Variants in IGF1R observed in about 807,000 individuals in gnomAD.
IGF1R encodes the protein insulin-like growth factor 1 receptor.
A neutral mutation model predicts 144.6 loss-of-function variants in IGF1R; 44 were observed. That is an observed-to-expected ratio of 0.30 (90% CI 0.24 to 0.39). The LOEUF is 0.39. Ranked by LOEUF, IGF1R falls within the 10% of genes least tolerant of loss-of-function variation. The probability of loss-of-function intolerance (pLI) is 1.00; values close to 1 mark genes in which losing one functional copy is unlikely to be tolerated. For synonymous variants in IGF1R, 795 were observed against 722.8 expected, an observed-to-expected ratio of 1.10 and a Z score of -1.60; for missense variants, 1,355 against 1,833.7, an observed-to-expected ratio of 0.74 and a Z score of 4.77.
At chr15:98,902,478 C>T (rs1760543764) in intron 5 of IGF1R, among the ~76,000 whole-genome samples, 1 of 136,530 alleles carries the variant, frequency 7.3e-6, no homozygotes, top group Admixed American at 8.5e-5. Flanking sequence ...AGTGTAGTGG[C>T]GCTGTCTCGG....
At chr15:98,936,471 G>A (rs2016153009) in intron 17 of IGF1R, among the ~76,000 whole-genome samples, 1 of 152,112 alleles carries the variant, frequency 6.6e-6, no homozygotes, top group Non-Finnish European at 1.5e-5. Context: ...TTTTCATTTG[G>A]TTGCCTCCGT....
chr15:98,817,892 C>A (rs1188400115), intron 2 of IGF1R, among the ~76,000 whole-genome samples: 1 of 152,234 alleles, frequency 6.6e-6, no homozygotes, highest in African/African-American at 2.4e-5. Flanking sequence ...TACTTCACCT[C>A]TTCTCTCCAG....
Position 98,963,641 on chromosome 15 carries a change from TAC to T in IGF1R, c.*6203_*6204del, listed in dbSNP as rs1326902356. 4.3e-6 allele frequency: 1 copy of T among 233,164 alleles called. No homozygotes were observed. The highest frequency in any genetic ancestry group is 2.2e-5 in the African/African-American group (1 of 45,338). 14.4% of individuals were successfully genotyped at this position (233,164 alleles called of 1,614,324 possible). ...AATGGTTTTCATGATGATTACAGCA[TAC>T]ACAGTGATCACATAAACGATGACAG... On this transcript the variant is annotated 3_prime_UTR_variant, in exon 21 of 21. Transcript: ENST00000650285.
chr15:98,813,194 C>A (rs988749397), intron 2 of IGF1R, among the ~76,000 whole-genome samples: 9 of 152,118 alleles, frequency 5.9e-5, no homozygotes, highest in Admixed American at 2.0e-4. Flanking sequence ...GACCAGCCCC[C>A]CTAGGGTTAG....
chr15:98,704,707 C>T lies in IGF1R; in HGVS notation c.95-2855C>T, dbSNP rs968032702. Among the ~76,000 whole-genome samples, 1 of 152,132 alleles carries T rather than the reference C, an allele frequency of 6.6e-6. No homozygotes were observed. The highest frequency in any genetic ancestry group is 2.4e-5 in the African/African-American group (1 of 41,482). Reference sequence around the variant, plus strand: ...CCAACTGGAGCTGCGGTGAGAGAGACCATGAAAAGAAGGGCCAGAGCGGTG... The same window carrying T: ...CCAACTGGAGCTGCGGTGAGAGAGATCATGAAAAGAAGGGCCAGAGCGGTG... On this transcript the variant is annotated intron_variant, in intron 1 of 20. Coordinates refer to ENST00000650285, the MANE Select transcript of IGF1R (RefSeq NM_000875.5). The surrounding 1 kb of genome is among the most constrained non-coding windows in gnomAD (Gnocchi z 4.9).
chr15:98,911,212 T>C (rs2015000402), intron 6 of IGF1R, 103 bp from the exon 7 acceptor site: 2 of 1,365,330 alleles, frequency 1.5e-6, no homozygotes, highest in South Asian at 2.4e-5. Context: ...GAACTTAGCA[T>C]ATACAGCCAG....
intron 2 of IGF1R, among the ~76,000 whole-genome samples, chr15:98,781,087 A>G (rs559433152): frequency 4.6e-5 from 7 of 152,322 alleles, no homozygotes; most frequent in South Asian, 2.1e-4. Flanking sequence ...GTGCCGCTGT[A>G]CTCCAGCCTG....
chr15:98,920,100 T>A (rs1297246911), intron 10 of IGF1R, among the ~76,000 whole-genome samples: 1 of 152,218 alleles, frequency 6.6e-6, no homozygotes. Flanking sequence ...TTTAACTAGC[T>A]AAAATGTTGA....
intron 2 of IGF1R, among the ~76,000 whole-genome samples, chr15:98,871,679 G>A (rs1405085308): frequency 6.6e-6 from 1 of 152,232 alleles, no homozygotes. Flanking sequence ...GAGAAGAAGA[G>A]CTTGTGCAGG....
chr15:98,942,488 C>T (rs895835636), intron 18 of IGF1R, among the ~76,000 whole-genome samples: 3 of 152,130 alleles, frequency 2.0e-5, no homozygotes, highest in African/African-American at 7.2e-5. Flanking sequence ...CGCACACCAC[C>T]ACTCACAACT....
intron 2 of IGF1R, among the ~76,000 whole-genome samples, chr15:98,853,358 T>C (rs760530736): frequency 1.1e-4 from 17 of 152,206 alleles, no homozygotes; most frequent in Non-Finnish European, 1.5e-5. Context: ...GCGACAGGGC[T>C]GCCTGGAAGA....
chr15:98,920,154 A>G (rs1234172405), intron 10 of IGF1R, among the ~76,000 whole-genome samples: 2 of 152,204 alleles, frequency 1.3e-5, no homozygotes, highest in Non-Finnish European at 1.5e-5. Context: ...GCTAGGTTGT[A>G]TTATGGGATG....
rs869208651 is a variant in IGF1R at position 98,661,956 on chromosome 15, C to CTTTTTTTTTTTTTTTTTTTTTTT, written c.94+12285_94+12307dup. 1.6e-4 allele frequency among the ~76,000 whole-genome samples: 17 copies of CTTTTTTTTTTTTTTTTTTTTTTT among 105,718 alleles called. 1 individual carries two copies. The highest frequency in any genetic ancestry group is 6.3e-4 in the African/African-American group (14 of 22,338). The allele number at this position is 105,718 out of a possible 152,430, so 69.4% of individuals were successfully genotyped here. ...GAATTGCTGCCAGTTGAATAGGGCCCTTTTTTTTTTTTTTTTTTTTTTTTT... is the reference window on the plus strand; with the variant it reads ...GAATTGCTGCCAGTTGAATAGGGCCCTTTTTTTTTTTTTTTTTTTTTTTTTTTTTTTTTTTTTTTTTTTTTTTT... On this transcript the variant is annotated intron_variant, in intron 1 of 20. Transcript: ENST00000650285.
rs1244717010 is a variant in IGF1R at position 98,961,491 on chromosome 15, C to T, written c.*4049C>T. On this transcript the variant is annotated 3_prime_UTR_variant, in exon 21 of 21. Transcript: ENST00000650285. Reference sequence around the variant, plus strand: ...TTGACTATACCAAGGCATCATCTATCCACAGTTCTAGCCTAACTTCATGCT... The same window carrying T: ...TTGACTATACCAAGGCATCATCTATTCACAGTTCTAGCCTAACTTCATGCT... The T allele has an allele frequency of 6.9e-5, 16 of 233,532 alleles. 1 individual carries two copies. The highest frequency in any genetic ancestry group is 1.3e-3 in the Middle Eastern group (1 of 786). 14.5% of individuals were successfully genotyped at this position (233,532 alleles called of 1,614,324 possible). A position where few individuals can be genotyped will look rare whatever the true frequency, so the allele number is the denominator to read the frequency against.
chr15:98,806,819 T>G (rs1235794347), intron 2 of IGF1R, among the ~76,000 whole-genome samples: 1 of 152,110 alleles, frequency 6.6e-6, no homozygotes, highest in Non-Finnish European at 1.5e-5. Flanking sequence ...TGTGAGAGCT[T>G]TAGGGCACAG....
At chr15:98,833,388 A>T (rs150558815) in intron 2 of IGF1R, among the ~76,000 whole-genome samples, 171 of 152,274 alleles carry the variant, frequency 1.1e-3, no homozygotes, top group African/African-American at 3.8e-3. Context: ...GCAGGTAGAC[A>T]CCTTCCTAAT....
chr15:98,660,522 T>A (rs2052575573), intron 1 of IGF1R: 3 of 152,216 alleles, frequency 2.0e-5, no homozygotes, highest in African/African-American at 7.2e-5. Context: ...GAAGACTTCT[T>A]AAAGGGATAC....
intron 5 of IGF1R, among the ~76,000 whole-genome samples, chr15:98,906,917 AC>A (rs1324198733): frequency 6.6e-6 from 1 of 151,974 alleles, no homozygotes; most frequent in East Asian, 1.9e-4. Flanking sequence ...TCCAACCTCC[AC>A]CCCCAGCACT....
chr15:98,686,465 A>AT (rs1567075488), intron 1 of IGF1R, among the ~76,000 whole-genome samples: 1 of 152,114 alleles, frequency 6.6e-6, no homozygotes, highest in African/African-American at 2.4e-5. Flanking sequence ...TGGCAGTTCT[A>AT]TTTTTAATTT....
Sources: allele counts gnomAD v4.1 joint callset (sites outside exome capture counted in the v4.1 genomes callset), GRCh38; gene constraint gnomAD v4.1.1; non-coding constraint Gnocchi (gnomAD v3.1); transcripts MANE v1.5; gene names NCBI Gene and HGNC (gene_info 2026-07-23, HGNC 2026-07-21).